The following PLPPR1 variants were observed in gnomAD, a reference collection of about 807,000 sequenced individuals.
The protein encoded by PLPPR1 is phospholipid phosphatase-related protein type 1.
In PLPPR1, 10 loss-of-function variants were observed where a neutral mutation model predicts 33.1. The observed-to-expected ratio is 0.30, with a 90% CI of 0.19 to 0.51. The LOEUF (loss-of-function observed/expected upper bound fraction) is 0.51. PLPPR1 is among the 20% of genes least tolerant of loss of function. The probability of loss-of-function intolerance (pLI) is 0.97; values close to 1 mark genes in which losing one functional copy is unlikely to be tolerated. For missense variants in PLPPR1, 304 were observed against 408.1 expected (o/e 0.74, Z 2.20); for synonymous variants, 151 against 151.0 (o/e 1.00, Z 0.00).
intron 1 of PLPPR1, among the ~76,000 whole-genome samples, chr9:101,158,746 C>G (rs1040515468): frequency 6.6e-6 from 1 of 152,194 alleles, no homozygotes. Flanking sequence ...CACTTCTAGC[C>G]TGCATTGCAG....
chr9:101,216,069 G>A (rs12237723), intron 2 of PLPPR1, among the ~76,000 whole-genome samples: 5,733 of 152,126 alleles, frequency 0.038, 167 homozygotes, highest in South Asian at 0.11. Flanking sequence ...CCTCCATACT[G>A]TTTTCTGTAG....
chr9:101,129,134 T>G (rs1831283938), intron 1 of PLPPR1, among the ~76,000 whole-genome samples: 1 of 152,172 alleles, frequency 6.6e-6, no homozygotes, highest in African/African-American at 2.4e-5. Flanking sequence ...AATTCTTTAG[T>G]GCTCCCATGC....
intron 1 of PLPPR1, among the ~76,000 whole-genome samples, chr9:101,154,070 T>A (rs192962317): frequency 2.4e-4 from 36 of 152,298 alleles, no homozygotes; most frequent in African/African-American, 8.4e-4. Flanking sequence ...CCACTTGATC[T>A]TGGTGGATAA....
intron 1 of PLPPR1, among the ~76,000 whole-genome samples, chr9:101,180,633 T>A (rs978062210): frequency 3.3e-5 from 5 of 151,846 alleles, no homozygotes; most frequent in Middle Eastern, 3.4e-3. Context: ...AAAGCACTAG[T>A]GGAGAAAGAA....
intron 1 of PLPPR1, among the ~76,000 whole-genome samples, chr9:101,109,122 C>A (rs184228484): frequency 7.1e-6 from 1 of 140,722 alleles, no homozygotes; most frequent in East Asian, 2.1e-4. Context: ...CCACGCCTGG[C>A]TAATTTTTTG....
At chr9:101,205,267 A>C (rs1826567243) in intron 2 of PLPPR1, among the ~76,000 whole-genome samples, 1 of 152,188 alleles carries the variant, frequency 6.6e-6, no homozygotes, top group Non-Finnish European at 1.5e-5. Flanking sequence ...GATTCAGGAA[A>C]AGCGGTTGAT....
chr9:101,111,668 T>C (rs1172054793), intron 1 of PLPPR1, among the ~76,000 whole-genome samples: 1 of 152,224 alleles, frequency 6.6e-6, no homozygotes. Flanking sequence ...TGAAGCACTG[T>C]CAGTTACTTT....
At chr9:101,171,047 A>G (rs1402354797) in intron 1 of PLPPR1, among the ~76,000 whole-genome samples, 1 of 152,182 alleles carries the variant, frequency 6.6e-6, no homozygotes, top group Non-Finnish European at 1.5e-5. Context: ...AGGGGTCCCC[A>G]ACCCCAAGAC....
At chr9:101,072,294 C>G (rs1418077186) in intron 1 of PLPPR1, among the ~76,000 whole-genome samples, 2 of 152,108 alleles carry the variant, frequency 1.3e-5, no homozygotes, top group Admixed American at 6.6e-5. Context: ...GCTTAGCCCT[C>G]CTCTAGGTCT....
At chr9:101,163,550 G>A (rs1458635932) in intron 1 of PLPPR1, among the ~76,000 whole-genome samples, 1 of 152,154 alleles carries the variant, frequency 6.6e-6, no homozygotes, top group Non-Finnish European at 1.5e-5. Context: ...CATGTGCTCA[G>A]GTGATGGGGT....
At chr9:101,122,928 A>G (rs1316518397) in intron 1 of PLPPR1, among the ~76,000 whole-genome samples, 3 of 152,190 alleles carry the variant, frequency 2.0e-5, no homozygotes, top group East Asian at 3.8e-4. Context: ...TGCAAGTAGT[A>G]ACTTTTAATA....
chr9:101,316,103 C>T (rs998178192), intron 6 of PLPPR1, among the ~76,000 whole-genome samples: 5 of 152,180 alleles, frequency 3.3e-5, no homozygotes, highest in African/African-American at 1.2e-4. Flanking sequence ...GGTCTCTCCA[C>T]TCCAAAGTTT....
chr9:101,302,505 TTAGA>T (rs1212392627), intron 4 of PLPPR1, among the ~76,000 whole-genome samples: 6 of 152,210 alleles, frequency 3.9e-5, no homozygotes, highest in African/African-American at 7.2e-5. Context: ...AAAAATGGAA[TTAGA>T]TAGAGATTTT....
chr9:101,171,518 G>T (rs1418840789), intron 1 of PLPPR1, among the ~76,000 whole-genome samples: 2 of 152,126 alleles, frequency 1.3e-5, no homozygotes, highest in Admixed American at 1.3e-4. Context: ...AAACTGGAGC[G>T]AAGAGACTGT....
intron 1 of PLPPR1, among the ~76,000 whole-genome samples, chr9:101,033,871 C>G (rs1334929100): frequency 6.6e-6 from 1 of 152,150 alleles, no homozygotes; most frequent in Non-Finnish European, 1.5e-5. Context: ...AAGCAATTTC[C>G]TTTCATCAAA....
At chr9:101,260,347 C>T (rs532604762) in intron 2 of PLPPR1, among the ~76,000 whole-genome samples, 12 of 152,076 alleles carry the variant, frequency 7.9e-5, no homozygotes, top group African/African-American at 1.4e-4. Context: ...AATGATGGCA[C>T]GGAGAGGTTG....
At chr9:101,265,858 C>T (rs560328109) in intron 2 of PLPPR1, among the ~76,000 whole-genome samples, 29 of 151,758 alleles carry the variant, frequency 1.9e-4, no homozygotes, top group Admixed American at 4.6e-4. Flanking sequence ...TAGCTGGGTG[C>T]GGTGGTGTGC....
chr9:101,120,116 G>A (rs1345743832), intron 1 of PLPPR1, among the ~76,000 whole-genome samples: 1 of 152,228 alleles, frequency 6.6e-6, no homozygotes, highest in East Asian at 1.9e-4. Context: ...GACACCTAAA[G>A]TGATGTTCCA....
intron 1 of PLPPR1, among the ~76,000 whole-genome samples, chr9:101,100,838 A>G (rs1053819563): frequency 6.6e-6 from 1 of 151,904 alleles, no homozygotes; most frequent in African/African-American, 2.4e-5. Context: ...TAGGACTGTT[A>G]TTTCCCCATT....
Sources: gnomAD v4.1 joint callset for allele counts (sites outside exome capture counted in the v4.1 genomes callset) on GRCh38, gnomAD v4.1.1 for gene constraint, MANE v1.5 for transcripts, NCBI Gene and HGNC (gene_info 2026-07-23, HGNC 2026-07-21) for gene names.